The following NPHP1 variants were observed in gnomAD, a reference collection of about 807,000 sequenced individuals.
NPHP1 encodes the protein nephrocystin-1.
In NPHP1, 70 loss-of-function variants were observed where a neutral mutation model predicts 90.4. The observed-to-expected ratio is 0.77, with a 90% CI of 0.64 to 0.95. The LOEUF (loss-of-function observed/expected upper bound fraction) is 0.95. NPHP1 is among the 40% of genes least tolerant of loss of function. The pLI, the probability that NPHP1 is intolerant of heterozygous loss-of-function variation, is 0.00. For missense variants in NPHP1, 764 were observed against 795.9 expected (o/e 0.96, Z 0.48); for synonymous variants, 256 against 271.7 (o/e 0.94, Z 0.57).
intron 2 of NPHP1, among the ~76,000 whole-genome samples, chr2:110,196,598 A>G (rs1040416210): frequency 6.6e-6 from 1 of 152,184 alleles, no homozygotes; most frequent in Non-Finnish European, 1.5e-5. Flanking sequence ...CAGTGTGGCG[A>G]TTCCTCAGGA....
At chr2:110,141,096 T>G (rs1035049338) in intron 16 of NPHP1, among the ~76,000 whole-genome samples, 2 of 152,184 alleles carry the variant, frequency 1.3e-5, no homozygotes, top group Non-Finnish European at 2.9e-5. Context: ...CCTCTTGGCC[T>G]TGTGCCTCCT....
intron 3 of NPHP1, 89 bp from the exon 4 acceptor site, chr2:110,178,636 T>C: frequency 1.7e-6 from 2 of 1,183,412 alleles, no homozygotes; most frequent in Non-Finnish European, 2.4e-6. Flanking sequence ...ATAAGTGCTA[T>C]ATAACAAAGT....
At position 110,185,134 on chromosome 2, in the gene NPHP1, G is replaced by C. The variant is rs1170498607; in HGVS notation, c.144-5450C>G. 5.2e-6 allele frequency: 3 copies of C among 577,264 alleles called. No homozygotes were observed. The Admixed American group carries it at 5.7e-5, about 11-fold the overall frequency. 35.8% of individuals were successfully genotyped at this position (577,264 alleles called of 1,614,324 possible). On this transcript the variant is annotated intron_variant, in intron 2 of 19. Coordinates refer to ENST00000445609, the MANE Select transcript of NPHP1 (RefSeq NM_001128178.3). ...TAAGAAGATGTGGGTCTCCAAGAAG[G>C]AATATGAGGAAGACGGTGCCTGATC...
intron 14 of NPHP1, among the ~76,000 whole-genome samples, 180 bp from the exon 15 acceptor site, chr2:110,144,749 C>T (rs2104484730): frequency 6.6e-6 from 1 of 152,228 alleles, no homozygotes; most frequent in African/African-American, 2.4e-5. Flanking sequence ...AATAAACAGT[C>T]TTTCTTTCCT....
intron 19 of NPHP1, chr2:110,124,390 G>A (rs1048901169): frequency 2.5e-6 from 1 of 400,670 alleles, no homozygotes; most frequent in Non-Finnish European, 4.7e-6. Context: ...AGTGTGGTTA[G>A]GGGTAAATAT....
At chr2:110,201,172 C>A (rs150955349) in intron 2 of NPHP1, among the ~76,000 whole-genome samples, 1 of 152,056 alleles carries the variant, frequency 6.6e-6, no homozygotes, top group Non-Finnish European at 1.5e-5. Flanking sequence ...AGGATCTGGG[C>A]TACATAGGCT....
At position 110,184,104 on chromosome 2, in the gene NPHP1, G is replaced by T. The variant is rs1366240639; in HGVS notation, c.144-4420C>A. On this transcript the variant is annotated intron_variant, in intron 2 of 19. Transcript: ENST00000445609. ...CAACCAGCCTGTCATGATCGACAAT[G>T]AATCTGGTGTGATTAAAGCTGGTTT... The T allele has an allele frequency of 7.0e-5, 38 of 543,896 alleles. No homozygotes were observed. In the Admixed American group the frequency reaches 7.3e-4, roughly 11 times the overall value. The allele number at this position is 543,896 out of a possible 1,614,324, so 33.7% of individuals were successfully genotyped here.
At chr2:110,144,891 AT>A (rs569868801) in intron 14 of NPHP1, among the ~76,000 whole-genome samples, 105 of 152,078 alleles carry the variant, frequency 6.9e-4, no homozygotes, top group African/African-American at 1.5e-3. Context: ...ATGACAAGTG[AT>A]TTTTTTTAAT....
intron 16 of NPHP1, among the ~76,000 whole-genome samples, chr2:110,141,138 A>G (rs1413519608): frequency 2.0e-5 from 3 of 152,066 alleles, no homozygotes; most frequent in African/African-American, 7.2e-5. Context: ...CATCTTCCCA[A>G]TCCTTCAAAG....
intron 2 of NPHP1, chr2:110,184,356 A>G (rs1263986071): frequency 6.5e-6 from 4 of 611,710 alleles, no homozygotes; most frequent in Non-Finnish European, 1.2e-5. Flanking sequence ...CCAGCTGCAG[A>G]CTTTCTCAGA....
intron 11 of NPHP1, among the ~76,000 whole-genome samples, chr2:110,155,829 A>G (rs1681848866): frequency 6.6e-6 from 1 of 152,080 alleles, no homozygotes; most frequent in Admixed American, 6.6e-5. Flanking sequence ...CTTATCTTAG[A>G]TGAGATGTTG....
At position 110,178,498 on chromosome 2, in the gene NPHP1, T is replaced by C. The variant is rs1400990257; in HGVS notation, c.254A>G (p.Glu85Gly). The C allele has an allele frequency of 1.9e-6, 3 of 1,613,770 alleles. No homozygotes were observed. The highest frequency in any genetic ancestry group is 3.3e-5 in the Admixed American group (2 of 60,020). ...VANYNQRKEE[E>G]HTLLDKLTQQ... Reference sequence around the variant, plus strand: ...GGTAAGCTTGTCCAAAAGAGTATGCTCCTCTTCTTTTCTCTGATTATAGTT... The same window carrying C: ...GGTAAGCTTGTCCAAAAGAGTATGCCCCTCTTCTTTTCTCTGATTATAGTT... The change falls in exon 4 of 20, where the codon GAG becomes GGG. Residue 85 changes from glutamate to glycine, a missense_variant. Coordinates refer to ENST00000445609, the MANE Select transcript of NPHP1 (RefSeq NM_001128178.3).
rs116733998 is a variant in NPHP1, at chr2:110,168,404, C to T, written c.624+48G>A. On this transcript the variant is annotated intron_variant, in intron 6 of 19. Coordinates refer to ENST00000445609, the MANE Select transcript of NPHP1 (RefSeq NM_001128178.3). ...ACACAGCTAAATGTTTTATTAAAAGCGAAAAAAAAAAAAGTCTTAGAAAAG... is the reference window on the plus strand; with the variant it reads ...ACACAGCTAAATGTTTTATTAAAAGTGAAAAAAAAAAAAGTCTTAGAAAAG... 2,416 of 1,070,324 alleles carry T rather than the reference C, an allele frequency of 2.3e-3. 42 individuals are homozygous for T. In the African/African-American group the frequency reaches 0.024, roughly 11 times the overall value. 66.3% of individuals were successfully genotyped at this position (1,070,324 alleles called of 1,614,324 possible).
At chr2:110,133,988 C>A (rs1679982531) in intron 16 of NPHP1, among the ~76,000 whole-genome samples, 2 of 151,620 alleles carry the variant, frequency 1.3e-5, no homozygotes, top group African/African-American at 4.8e-5. Flanking sequence ...ACAAAACTAG[C>A]AGAAGGAAGA....
At chr2:110,171,926 A>T (rs1683152460) in intron 4 of NPHP1, among the ~76,000 whole-genome samples, 1 of 152,140 alleles carries the variant, frequency 6.6e-6, no homozygotes, top group Admixed American at 6.6e-5. Context: ...TTATAAAATG[A>T]TTTGAAAGTG....
At chr2:110,132,336 A>T (rs1054479432) in intron 16 of NPHP1, among the ~76,000 whole-genome samples, 3 of 152,182 alleles carry the variant, frequency 2.0e-5, no homozygotes, top group African/African-American at 7.2e-5. Flanking sequence ...CTTGCATTTC[A>T]GAAGGTTACT....
chr2:110,129,783 T>C (rs1388071285), intron 17 of NPHP1, among the ~76,000 whole-genome samples: 1 of 152,164 alleles, frequency 6.6e-6, no homozygotes, highest in Admixed American at 6.5e-5. Context: ...TTGAGGATTC[T>C]GGCCATATGA....
At chr2:110,162,780 G>GACAC (rs1180125512) in intron 9 of NPHP1, among the ~76,000 whole-genome samples, 1 of 151,968 alleles carries the variant, frequency 6.6e-6, no homozygotes, top group African/African-American at 2.4e-5. Context: ...GCCAGCTAAA[G>GACAC]ACACAGGAAA....
chr2:110,188,071 C>A (rs796394651), intron 2 of NPHP1, among the ~76,000 whole-genome samples: 38 of 152,250 alleles, frequency 2.5e-4, no homozygotes, highest in African/African-American at 8.9e-4. Flanking sequence ...ACTGAATGGG[C>A]AAATGCTTGA....
Sources: gnomAD v4.1 joint callset for allele counts (sites outside exome capture counted in the v4.1 genomes callset) on GRCh38, gnomAD v4.1.1 for gene constraint, MANE v1.5 for transcripts, NCBI Gene and HGNC (gene_info 2026-07-23, HGNC 2026-07-21) for gene names.